Variants in FOXN2 observed in about 807,000 individuals in gnomAD.
The protein encoded by FOXN2 is forkhead box N2, also known as forkhead box protein N2.
FOXN2 carries 19 observed loss-of-function variants against 41.2 expected under a neutral mutation model. The observed-to-expected ratio is 0.46, with a 90% CI of 0.32 to 0.68. FOXN2 has a LOEUF of 0.68. FOXN2 is among the 30% of genes least tolerant of loss of function. The pLI, the probability that FOXN2 is intolerant of heterozygous loss-of-function variation, is 0.03. For synonymous variants in FOXN2, 195 were observed against 176.8 expected (o/e 1.10, Z -0.82); for missense variants, 587 against 509.4 (o/e 1.15, Z -1.47).
intron 2 of FOXN2, among the ~76,000 whole-genome samples, chr2:48,330,312 A>G (rs1449282631): frequency 6.6e-6 from 1 of 152,120 alleles, no homozygotes; most frequent in African/African-American, 2.4e-5. Context: ...AATTGAATGG[A>G]AATTTCTTTT....
At chr2:48,338,850 G>A (rs555828163) in intron 2 of FOXN2, among the ~76,000 whole-genome samples, 1 of 152,168 alleles carries the variant, frequency 6.6e-6, no homozygotes, top group South Asian at 2.1e-4. Flanking sequence ...ATAAAGAAAA[G>A]GGTTAATAAA....
At chr2:48,319,781 T>G (rs1291956915) in intron 1 of FOXN2, among the ~76,000 whole-genome samples, 4 of 148,918 alleles carry the variant, frequency 2.7e-5, no homozygotes, top group Non-Finnish European at 5.9e-5. Flanking sequence ...TGGCTAATTT[T>G]TTAATTTTTT....
At chr2:48,328,286 G>T (rs1332069062) in intron 1 of FOXN2, among the ~76,000 whole-genome samples, 3 of 152,146 alleles carry the variant, frequency 2.0e-5, no homozygotes, top group Admixed American at 6.5e-5. Context: ...TATCATGGGG[G>T]ATTGATTCTG....
At chr2:48,373,140 A>G in intron 5 of FOXN2, 152 bp from the exon 6 acceptor site, 1 of 540,912 alleles carries the variant, frequency 1.8e-6, no homozygotes, top group Non-Finnish European at 3.3e-6. Context: ...TCAGAATAAT[A>G]TATAATATCT....
intron 2 of FOXN2, chr2:48,340,936 A>G (rs1213810939): frequency 1.3e-5 from 2 of 152,322 alleles, no homozygotes; most frequent in Admixed American, 6.5e-5. Context: ...TGTATAGTAC[A>G]TTTATCTACT....
chr2:48,337,925 A>C lies in FOXN2; in HGVS notation c.-14-8276A>C, dbSNP rs1342150107. ...TGCCTTAGTATTTGATATAGAAAGC[A>C]GACCCCAAAAAAAGATTAGTAGGAA... On this transcript the variant is annotated intron_variant, in intron 2 of 6. Coordinates refer to ENST00000340553, the MANE Select transcript of FOXN2 (RefSeq NM_002158.4). Among the ~76,000 whole-genome samples the C allele has an allele frequency of 3.9e-5, 6 of 152,336 alleles. No homozygotes were observed. In the South Asian group the frequency reaches 1.0e-3, roughly 26 times the overall value.
chr2:48,368,641 A>G (rs1672684651), intron 5 of FOXN2, among the ~76,000 whole-genome samples: 1 of 152,226 alleles, frequency 6.6e-6, no homozygotes, highest in African/African-American at 2.4e-5. Context: ...GCAGTGAGCC[A>G]TGATTGCACC....
chr2:48,330,269 C>T (rs1264606372), intron 2 of FOXN2, among the ~76,000 whole-genome samples: 2 of 151,822 alleles, frequency 1.3e-5, no homozygotes, highest in South Asian at 2.1e-4. Context: ...TGATTCATTC[C>T]TAAGAATATT....
intron 1 of FOXN2, among the ~76,000 whole-genome samples, chr2:48,323,363 C>T (rs746787829): frequency 3.9e-5 from 6 of 152,100 alleles, no homozygotes; most frequent in East Asian, 1.9e-4. Flanking sequence ...ACAGTGTATG[C>T]GCATTCCCCC....
At chr2:48,354,622 T>C (rs1020627173) in intron 3 of FOXN2, among the ~76,000 whole-genome samples, 1 of 152,254 alleles carries the variant, frequency 6.6e-6, no homozygotes, top group African/African-American at 2.4e-5. Flanking sequence ...AGTGCTGTGC[T>C]GATAAATGTT....
chr2:48,353,780 C>G (rs1028780368), intron 3 of FOXN2, among the ~76,000 whole-genome samples: 16 of 151,804 alleles, frequency 1.1e-4, no homozygotes, highest in African/African-American at 3.9e-4. Flanking sequence ...CTTCTCTTTG[C>G]CTTCTTTGAA....
rs985103758 is a variant in FOXN2 at position 48,356,078 on chromosome 2, C to T, written c.538-2969C>T. ...GGCAGAGGTTGCAGTGAGCCAAGAT[C>T]GTGCCACTGCATTCCATCCTGGATG... On this transcript the variant is annotated intron_variant, in intron 3 of 6. Coordinates refer to ENST00000340553, the MANE Select transcript of FOXN2 (RefSeq NM_002158.4). 3.9e-5 allele frequency among the ~76,000 whole-genome samples: 6 copies of T among 152,110 alleles called. No homozygotes were observed. The East Asian group carries it at 1.2e-3, about 29-fold the overall frequency.
At chr2:48,326,489 AAG>A (rs146862624) in intron 1 of FOXN2, among the ~76,000 whole-genome samples, 14,183 of 152,224 alleles carry the variant, frequency 0.093, 731 homozygotes, top group South Asian at 0.13. Flanking sequence ...AGAACAAATT[AAG>A]AGAGAGTCTG....
intron 2 of FOXN2, among the ~76,000 whole-genome samples, chr2:48,340,061 G>C (rs1384947954): frequency 6.6e-6 from 1 of 152,072 alleles, no homozygotes; most frequent in East Asian, 1.9e-4. Context: ...TAATGTTTAA[G>C]GATTCTAACA....
chr2:48,339,092 G>A (rs1021069864), intron 2 of FOXN2, among the ~76,000 whole-genome samples: 1 of 152,182 alleles, frequency 6.6e-6, no homozygotes, highest in African/African-American at 2.4e-5. Flanking sequence ...ATAGCTATAT[G>A]TTCATATATA....
At chr2:48,334,444 G>T (rs1292758566) in intron 2 of FOXN2, among the ~76,000 whole-genome samples, 1 of 151,848 alleles carries the variant, frequency 6.6e-6, no homozygotes, top group Admixed American at 6.6e-5. Flanking sequence ...AAAGGATAAT[G>T]TACTTTAGTG....
intron 1 of FOXN2, among the ~76,000 whole-genome samples, chr2:48,322,276 G>A (rs1409956254): frequency 6.6e-6 from 1 of 152,044 alleles, no homozygotes; most frequent in Non-Finnish European, 1.5e-5. Context: ...AATAGCAGCA[G>A]TTTATTTTCC....
At chr2:48,335,021 C>T (rs570953631) in intron 2 of FOXN2, among the ~76,000 whole-genome samples, 1 of 152,202 alleles carries the variant, frequency 6.6e-6, no homozygotes, top group East Asian at 1.9e-4. Flanking sequence ...CTGATAAAAC[C>T]TAACATATAA....
intron 2 of FOXN2, among the ~76,000 whole-genome samples, chr2:48,344,073 G>A (rs190062358): frequency 6.6e-4 from 100 of 152,224 alleles, no homozygotes; most frequent in African/African-American, 2.4e-3. Context: ...GTTTTTTAAG[G>A]AAGCAAGACA....
Sources: allele counts gnomAD v4.1 joint callset (sites outside exome capture counted in the v4.1 genomes callset), GRCh38; gene constraint gnomAD v4.1.1; transcripts MANE v1.5; gene names NCBI Gene and HGNC (gene_info 2026-07-23, HGNC 2026-07-21).